The following RRBP1 variants were observed in gnomAD, a reference collection of about 807,000 sequenced individuals.
RRBP1 encodes the protein ribosome binding protein 1.
RRBP1 carries 94 observed loss-of-function variants against 165.2 expected under a neutral mutation model. The ratio of observed to expected loss-of-function variants is 0.57; its 90% CI spans 0.48 to 0.68. The LOEUF is 0.68. Among genes scored for constraint, RRBP1 ranks in the 30% least tolerant of loss-of-function variants. The pLI, the probability that RRBP1 is intolerant of heterozygous loss-of-function variation, is 0.00. For missense variants in RRBP1, 1,676 were observed against 1,763.0 expected (o/e 0.95, Z 0.88); for synonymous variants, 680 against 714.5 (o/e 0.95, Z 0.77).
At position 17,658,365 on chromosome 20, in the gene RRBP1, C is replaced by G. The variant is rs1022132150; in HGVS notation, c.1912+231G>C. ...CAAAGAGTCACCAACCCAGTTAAAACCAGATTGAGGCAGAGCCACCAACCG... is the reference window on the plus strand; with the variant it reads ...CAAAGAGTCACCAACCCAGTTAAAAGCAGATTGAGGCAGAGCCACCAACCG... On this transcript the variant is annotated intron_variant, in intron 3 of 24. Transcript: ENST00000377813. Among the ~76,000 whole-genome samples the G allele has an allele frequency of 1.2e-4, 19 of 152,204 alleles. 1 individual carries two copies. Among genetic ancestry groups the G allele is most frequent in the Admixed American group, 6.5e-5 (1 of 15,288 alleles).
chr20:17,659,770 T>G lies in RRBP1; in HGVS notation c.738A>C (p.Pro246=). 5 of 1,550,362 alleles carry G rather than the reference T, an allele frequency of 3.2e-6. No homozygotes were observed. Among genetic ancestry groups the G allele is most frequent in the Non-Finnish European group, 3.5e-6 (4 of 1,146,882 alleles). ...TTCCTTCTGCCTTTTTGCCTTGGTTTGGGGTTCCCTCTGCCTTTTTCCCTT... is the reference window on the plus strand; with the variant it reads ...TTCCTTCTGCCTTTTTGCCTTGGTTGGGGGTTCCCTCTGCCTTTTTCCCTT... ...PNQGKKAEGT[P]NQGKKAEGTP... Residue 246 remains proline (P), a synonymous_variant, in exon 3 of 25, where the codon CCA becomes CCC. Coordinates refer to ENST00000377813, the MANE Select transcript of RRBP1 (RefSeq NM_001365613.2).
chr20:17,614,862 TCTC>T lies in RRBP1; in HGVS notation c.4066_4068del (p.Glu1356del), dbSNP rs2035765155. ...CGCCCCAGGTCACTTGTTAACTTCT[TCTC>T]TTTTTCTAGTCTCTCCTGATGGTCA... On this transcript the variant is annotated inframe_deletion, in exon 24 of 25. Coordinates refer to ENST00000377813, the MANE Select transcript of RRBP1 (RefSeq NM_001365613.2). The T allele has an allele frequency of 6.2e-7, 1 of 1,613,548 alleles. No homozygotes were observed. The highest frequency in any genetic ancestry group is 8.5e-7 in the Non-Finnish European group (1 of 1,179,994).
At chr20:17,616,176 G>A (rs1333715853) in intron 21 of RRBP1, among the ~76,000 whole-genome samples, 167 bp from the exon 22 acceptor site, 1 of 152,130 alleles carries the variant, frequency 6.6e-6, no homozygotes, top group East Asian at 1.9e-4. Context: ...ACAGACTTCG[G>A]TGTGGCTCAG....
chr20:17,614,709 C>T (rs2035759134), intron 24 of RRBP1, 28 bp downstream of exon 24: 2 of 1,607,596 alleles, frequency 1.2e-6, no homozygotes, highest in African/African-American at 1.3e-5. Context: ...TCGACTCCTC[C>T]CGCCCTGCTT....
intron 3 of RRBP1, among the ~76,000 whole-genome samples, chr20:17,657,593 AAAAAG>A (rs1416906810): frequency 2.6e-5 from 4 of 152,228 alleles, no homozygotes; most frequent in Non-Finnish European, 4.4e-5. Flanking sequence ...AAAGAAAGGA[AAAAAG>A]AAAAGGAAAG....
chr20:17,657,747 G>A (rs2036671046), intron 3 of RRBP1, among the ~76,000 whole-genome samples: 1 of 152,174 alleles, frequency 6.6e-6, no homozygotes, highest in Non-Finnish European at 1.5e-5. Context: ...GTAAACCAGT[G>A]CTTCATATGA....
chr20:17,628,806 C>T (rs186662301), intron 9 of RRBP1, among the ~76,000 whole-genome samples: 50 of 152,350 alleles, frequency 3.3e-4, no homozygotes, highest in Admixed American at 2.4e-3. Context: ...GAGCAGGGGC[C>T]GGGAAGCTGG....
chr20:17,655,169 C>T (rs777347272), intron 3 of RRBP1, among the ~76,000 whole-genome samples: 2 of 152,146 alleles, frequency 1.3e-5, no homozygotes, highest in African/African-American at 2.4e-5. Context: ...GGGTCTTCAG[C>T]GTTGCTTTCT....
chr20:17,619,431 G>A, intron 19 of RRBP1: 1 of 467,756 alleles, frequency 2.1e-6, no homozygotes, highest in Non-Finnish European at 3.8e-6. Flanking sequence ...CTGGGAGGCT[G>A]CCTTTTTGAA....
intron 13 of RRBP1, among the ~76,000 whole-genome samples, chr20:17,623,486 G>A (rs2035953905): frequency 6.6e-6 from 1 of 152,160 alleles, no homozygotes; most frequent in Admixed American, 6.5e-5. Flanking sequence ...ACTGGCTCCT[G>A]GACAGCCCAG....
chr20:17,623,947 C>T (rs993455551), intron 13 of RRBP1, among the ~76,000 whole-genome samples: 12 of 151,694 alleles, frequency 7.9e-5, no homozygotes, highest in African/African-American at 2.9e-4. Context: ...AAAAAAAAGT[C>T]TCCTCACAGA....
chr20:17,680,535 C>T (rs1348666994), intron 1 of RRBP1, among the ~76,000 whole-genome samples: 1 of 152,148 alleles, frequency 6.6e-6, no homozygotes, highest in African/African-American at 2.4e-5. Context: ...TCTCTCCTAA[C>T]CTCTGACCTC....
chr20:17,622,834 C>T (rs1214314650), intron 13 of RRBP1: 3 of 152,194 alleles, frequency 2.0e-5, no homozygotes, highest in African/African-American at 4.8e-5. Context: ...CCAGGGAGGC[C>T]CCAGGAACTC....
chr20:17,621,752 C>A lies in RRBP1; in HGVS notation c.3262G>T (p.Asp1088Tyr), dbSNP rs767326424. The A allele has an allele frequency of 1.9e-6, 3 of 1,613,890 alleles. No individual in the cohort carries two copies. The Admixed American group carries it at 5.0e-5, about 27-fold the overall frequency. The change falls in exon 15 of 25, where the codon GAT becomes TAT. Residue 1088 changes from aspartate to tyrosine, a missense_variant. This residue lies in a region of RRBP1 where 1,184 missense variants were observed against 1,167.1 expected (regional missense o/e 1.01). Transcript: ENST00000377813. ...AQQNYTEWLQ[D>Y]LKEKGPTLLK... ...AGCGTGGGGCCTTTCTCTTTGAGAT[C>A]CTGCAGCCACTCGGTGTAATTCTGC...
chr20:17,627,282 C>T, intron 11 of RRBP1, 66 bp downstream of exon 11: 1 of 1,562,560 alleles, frequency 6.4e-7, no homozygotes, highest in Non-Finnish European at 8.7e-7. Flanking sequence ...AACCCTGGCC[C>T]CCCAAGGGTC....
chr20:17,640,692 A>AGGG (rs1194339787), intron 5 of RRBP1, among the ~76,000 whole-genome samples: 1 of 152,206 alleles, frequency 6.6e-6, no homozygotes, highest in Non-Finnish European at 1.5e-5. Context: ...GCATGCAGCC[A>AGGG]GGGAGATATT....
At chr20:17,676,421 A>G (rs967199916) in intron 2 of RRBP1, among the ~76,000 whole-genome samples, 4 of 151,938 alleles carry the variant, frequency 2.6e-5, no homozygotes, top group African/African-American at 4.8e-5. Flanking sequence ...GGAGGGAGAA[A>G]ACTGAAGCCC....
intron 3 of RRBP1, among the ~76,000 whole-genome samples, chr20:17,653,686 C>A (rs2036597878): frequency 1.3e-5 from 2 of 152,000 alleles, no homozygotes; most frequent in Admixed American, 6.6e-5. Context: ...ATACAAAAAT[C>A]AGCTGGGCGT....
intron 9 of RRBP1, among the ~76,000 whole-genome samples, chr20:17,628,744 G>A (rs1021207728): frequency 6.6e-6 from 1 of 152,216 alleles, no homozygotes. Flanking sequence ...ATCCCCTCCT[G>A]CCTCAGAGAG....
Sources: allele counts gnomAD v4.1 joint callset (sites outside exome capture counted in the v4.1 genomes callset), GRCh38; gene constraint gnomAD v4.1.1; regional missense constraint gnomAD v4.1.1; transcripts MANE v1.5; gene names NCBI Gene and HGNC (gene_info 2026-07-23, HGNC 2026-07-21).